The following STYXL2 variants were observed in gnomAD, a reference collection of about 807,000 sequenced individuals.
The protein encoded by STYXL2 is serine/threonine/tyrosine interacting like 2, also known as serine/threonine/tyrosine-interacting-like protein 2.
A neutral mutation model predicts 52.4 loss-of-function variants in STYXL2; 44 were observed. The observed-to-expected ratio is 0.84, with a 90% CI of 0.66 to 1.08. STYXL2 has a LOEUF of 1.08. Among genes scored for constraint, STYXL2 ranks in the 50% least tolerant of loss-of-function variants. The pLI, the probability that STYXL2 is intolerant of heterozygous loss-of-function variation, is 0.00. For missense variants in STYXL2, 1,604 were observed against 1,471.7 expected (o/e 1.09, Z -1.47); for synonymous variants, 604 against 586.9 (o/e 1.03, Z -0.42).
chr1:167,117,275 G>A, intron 3 of STYXL2, 53 bp from the exon 4 acceptor site: 1 of 1,466,096 alleles, frequency 6.8e-7, no homozygotes, highest in East Asian at 2.5e-5. Context: ...CAGGAACAAG[G>A]AAGGCCATGA....
rs768021668 is a variant in STYXL2 at position 167,117,417 on chromosome 1, C to T, written c.295C>T (p.Arg99Cys). 45 of 1,612,548 alleles carry T rather than the reference C, an allele frequency of 2.8e-5. No homozygotes were observed. Among genetic ancestry groups the T allele is most frequent in the Middle Eastern group, 1.6e-4 (1 of 6,084 alleles). ...GCTGCTGGTGGAGGACCTGTACAAC[C>T]GCGTCAGGGAGAAGATGGATGACAC... ...EQLLVEDLYN[R>C]VREKMDDTSL... Residue 99 changes from arginine to cysteine, a missense_variant, in exon 4 of 6, where the codon CGC becomes TGC. By Grantham distance (180) the Arg-to-Cys change is radical. Coordinates refer to ENST00000361200, the MANE Select transcript of STYXL2 (RefSeq NM_001080426.3).
chr1:167,113,594 T>G, intron 2 of STYXL2, 116 bp from the exon 3 acceptor site: 1 of 797,618 alleles, frequency 1.3e-6, no homozygotes, highest in Non-Finnish European at 2.2e-6. Flanking sequence ...GGCTTTGCCT[T>G]GATCACTCGT....
chr1:167,126,126 C>T lies in STYXL2; in HGVS notation c.995C>T (p.Ala332Val). 2.0e-6 allele frequency: 3 copies of T among 1,508,670 alleles called. No homozygotes were observed. The highest frequency in any genetic ancestry group is 1.8e-6 in the Non-Finnish European group (2 of 1,131,682). 93.5% of individuals were successfully genotyped at this position (1,508,670 alleles called of 1,614,324 possible). A position where few individuals can be genotyped will look rare whatever the true frequency, so the allele number is the denominator to read the frequency against. Reference sequence around the variant, plus strand: ...CTGAGTGGCTCCTCCCTGGGGAAGGCCACCCAGGCCTCCAAGCCCCTCACC... The same window carrying T: ...CTGAGTGGCTCCTCCCTGGGGAAGGTCACCCAGGCCTCCAAGCCCCTCACC... ...SHLSGSSLGK[A>V]TQASKPLTLI... The change falls in exon 6 of 6, where the codon GCC becomes GTC. Residue 332 changes from alanine to valine, a missense_variant. Ala to Val is a moderately conservative substitution (Grantham distance 64). Transcript: ENST00000361200.
chr1:167,127,192 C>T lies in STYXL2; in HGVS notation c.2061C>T (p.His687=). 8 of 1,614,186 alleles carry T rather than the reference C, an allele frequency of 5.0e-6. No individual in the cohort carries two copies. The highest frequency in any genetic ancestry group is 6.8e-6 in the Non-Finnish European group (8 of 1,180,002). ...TGAGCACCCAGAGCCACCGCTCCCA[C>T]CTGTCTCAGGCTGCAAGCAACATAG... The part of the protein sequence containing the change: ...SVLSTQSHRS[H]LSQAASNIAG... The change falls in exon 6 of 6, where the codon CAC becomes CAT. Residue 687 remains histidine (H), a synonymous_variant. Transcript: ENST00000361200.
At chr1:167,120,079 C>T (rs1184755853) in intron 5 of STYXL2, among the ~76,000 whole-genome samples, 1 of 152,180 alleles carries the variant, frequency 6.6e-6, no homozygotes. Context: ...GAAGTTGGAG[C>T]GGCACCTTGA....
intron 4 of STYXL2, 140 bp from the exon 5 acceptor site, chr1:167,119,109 A>AT (rs1386060549): frequency 1.4e-6 from 1 of 705,030 alleles, no homozygotes; most frequent in East Asian, 2.7e-5. Flanking sequence ...ATTTGCAGTG[A>AT]TCCCCAGACA....
In STYXL2 at chr1:167,105,954, C is replaced by T. The variant is rs903412893; in HGVS notation, c.111-7756C>T. Among the ~76,000 whole-genome samples, 36 of 152,282 alleles carry T rather than the reference C, an allele frequency of 2.4e-4. No homozygotes were observed. The Middle Eastern group carries it at 0.024, about 101-fold the overall frequency. The stretch of plus-strand genomic sequence containing the variant: ...AGCTGCCAGCTTCTCAAGAGTATAC[C>T]GGGTAGGCTCTTCACGTATGATTTC... On this transcript the variant is annotated intron_variant, in intron 2 of 5. Coordinates refer to ENST00000361200, the MANE Select transcript of STYXL2 (RefSeq NM_001080426.3).
chr1:167,106,483 G>A (rs1667509062), intron 2 of STYXL2, among the ~76,000 whole-genome samples: 1 of 152,080 alleles, frequency 6.6e-6, no homozygotes, highest in Non-Finnish European at 1.5e-5. Flanking sequence ...GTTTGGTTTG[G>A]TTTTGCCCCA....
chr1:167,127,843 C>T lies in STYXL2; in HGVS notation c.2712C>T (p.Ser904=), dbSNP rs373810108. 6.2e-7 allele frequency: 1 copy of T among 1,613,704 alleles called. No homozygotes were observed. Among genetic ancestry groups the T allele is most frequent in the African/African-American group, 1.3e-5 (1 of 74,870 alleles). Residue 904 remains serine (S), a synonymous_variant, in exon 6 of 6, where the codon TCC becomes TCT. Coordinates refer to ENST00000361200, the MANE Select transcript of STYXL2 (RefSeq NM_001080426.3). ...TCCGATATTCTTCCCGCAGTAATTCCCAGAAACCTGAAACAGACACATGCT... is the reference window on the plus strand; with the variant it reads ...TCCGATATTCTTCCCGCAGTAATTCTCAGAAACCTGAAACAGACACATGCT... The part of the protein sequence containing the change: ...GSFRYSSRSN[S]QKPETDTCSS...
Position 167,125,823 on chromosome 1 carries a change from G to T in STYXL2, c.692G>T (p.Arg231Leu), listed in dbSNP as rs369777179. ...GTCAGCAGCGAAATGGGCATCAGCC[G>T]GTCAGCAGTGCTGGTGGTCGCCTAC... ...VLVSSEMGIS[R>L]SAVLVVAYLM... is the part of the protein sequence containing the mutation. The change falls in exon 6 of 6, where the codon CGG (arginine) becomes CTG (leucine). Residue 231 changes from arginine (R) to leucine (L), a missense_variant. Physicochemically the swap from Arg to Leu is moderately radical, Grantham distance 102. Coordinates refer to ENST00000361200, the MANE Select transcript of STYXL2 (RefSeq NM_001080426.3). The T allele has an allele frequency of 1.2e-6, 2 of 1,610,170 alleles. No homozygotes were observed. The highest frequency in any genetic ancestry group is 1.7e-5 in the Admixed American group (1 of 59,214).
intron 2 of STYXL2, among the ~76,000 whole-genome samples, chr1:167,102,511 T>C (rs1667424239): frequency 6.6e-6 from 1 of 152,042 alleles, no homozygotes; most frequent in Non-Finnish European, 1.5e-5. Flanking sequence ...TAATACAACA[T>C]ATATAAAGGT....
chr1:167,097,246 A>G (rs1667305386), intron 2 of STYXL2, among the ~76,000 whole-genome samples: 1 of 152,162 alleles, frequency 6.6e-6, no homozygotes, highest in South Asian at 2.1e-4. Flanking sequence ...TGTTTATGAA[A>G]ATTTGGTGGC....
chr1:167,125,554 C>A (rs1294482717), intron 5 of STYXL2, among the ~76,000 whole-genome samples: 1 of 152,194 alleles, frequency 6.6e-6, no homozygotes, highest in African/African-American at 2.4e-5. Flanking sequence ...AGTAGAAATG[C>A]ACTCCAGTGT....
At chr1:167,107,354 G>A (rs1222840371) in intron 2 of STYXL2, among the ~76,000 whole-genome samples, 1 of 152,164 alleles carries the variant, frequency 6.6e-6, no homozygotes, top group African/African-American at 2.4e-5. Context: ...AGTAGACATA[G>A]ACCCCACCTC....
chr1:167,097,849 T>C (rs1667321737), intron 2 of STYXL2, among the ~76,000 whole-genome samples: 1 of 152,092 alleles, frequency 6.6e-6, no homozygotes, highest in African/African-American at 2.4e-5. Context: ...ACATGCTGTT[T>C]ACAAGAGACA....
chr1:167,109,275 G>A (rs1667568698), intron 2 of STYXL2, among the ~76,000 whole-genome samples: 1 of 152,198 alleles, frequency 6.6e-6, no homozygotes, highest in Non-Finnish European at 1.5e-5. Context: ...CCTCAGGGAG[G>A]CTTATAGCCT....
chr1:167,104,774 T>C (rs2102226675), intron 2 of STYXL2, among the ~76,000 whole-genome samples: 1 of 152,296 alleles, frequency 6.6e-6, no homozygotes, highest in African/African-American at 2.4e-5. Context: ...CTTGTCCTTT[T>C]TTGCAAAAGC....
In STYXL2 at chr1:167,125,915, T is replaced by G. The variant is rs1478494939; in HGVS notation, c.784T>G (p.Tyr262Asp). The G allele has an allele frequency of 6.2e-7, 1 of 1,614,112 alleles. No homozygotes were observed. Among genetic ancestry groups the G allele is most frequent in the South Asian group, 1.1e-5 (1 of 91,078 alleles). The change falls in exon 6 of 6, where the codon TAC becomes GAC. Residue 262 changes from tyrosine (Y) to aspartate (D), a missense_variant. Physicochemically the swap from Tyr to Asp is radical, Grantham distance 160. Transcript: ENST00000361200. ...GACCGTGCGTAAGAAGCGGGCCATC[T>G]ACCCCAATGAGGGCTTCCTGAAGCA... ...LMTVRKKRAI[Y>D]PNEGFLKQLR...
rs747933618 is a variant in STYXL2 at position 167,127,918 on chromosome 1, A to T, written c.2787A>T (p.Lys929Asn). 8 of 1,614,088 alleles carry T rather than the reference A, an allele frequency of 5.0e-6. No individual in the cohort carries two copies. The highest frequency in any genetic ancestry group is 6.8e-6 in the Non-Finnish European group (8 of 1,179,994). The part of the protein sequence containing the change: ...DHYASGSRVG[K>N]EMDSSINKWL... ...ATGCAAGTGGCAGCAGAGTTGGCAA[A>T]GAGATGGATAGCAGTATTAATAAGT... Residue 929 changes from lysine (K) to asparagine (N), a missense_variant, in exon 6 of 6, where the codon AAA becomes AAT. By Grantham distance (94) the Lys-to-Asn change is moderately conservative. Coordinates refer to ENST00000361200, the MANE Select transcript of STYXL2 (RefSeq NM_001080426.3).
Sources: gnomAD v4.1 joint callset for allele counts (sites outside exome capture counted in the v4.1 genomes callset) on GRCh38, gnomAD v4.1.1 for gene constraint, MANE v1.5 for transcripts, NCBI Gene and HGNC (gene_info 2026-07-23, HGNC 2026-07-21) for gene names.